DLG2: variants seen among roughly 807,000 people sequenced by gnomAD.
DLG2 encodes the protein disks large homolog 2.
DLG2 carries 45 observed loss-of-function variants against 132.5 expected under a neutral mutation model. The ratio of observed to expected loss-of-function variants is 0.34; its 90% confidence interval spans 0.27 to 0.44. The LOEUF (loss-of-function observed/expected upper bound fraction) is 0.44. DLG2 is among the 20% of genes least tolerant of loss of function. DLG2 has a pLI of 1.00. For missense variants in DLG2, 1,045 were observed against 1,196.9 expected, an observed-to-expected ratio of 0.87 and a Z score of 1.87; for synonymous variants, 424 against 419.6, an observed-to-expected ratio of 1.01 and a Z score of -0.13.
At chr11:85,256,772 T>C (rs2076690945) in intron 4 of DLG2, among the ~76,000 whole-genome samples, 1 of 152,316 alleles carries the variant, frequency 6.6e-6, no homozygotes, top group Admixed American at 6.5e-5. Context: ...ATGCTTTATA[T>C]ACTTTGGCCA....
At chr11:84,564,943 G>T (rs1253340763) in intron 6 of DLG2, among the ~76,000 whole-genome samples, 1 of 152,126 alleles carries the variant, frequency 6.6e-6, no homozygotes, top group African/African-American at 2.4e-5. Context: ...ATGACTGTGT[G>T]ATACATAAAA....
chr11:83,843,664 T>C (rs2058066067), intron 16 of DLG2, among the ~76,000 whole-genome samples: 1 of 152,032 alleles, frequency 6.6e-6, no homozygotes, highest in Non-Finnish European at 1.5e-5. Flanking sequence ...TAGTTCTGGC[T>C]CTCTTGGGAT....
chr11:83,582,576 C>T lies in DLG2; in HGVS notation c.1941-40718G>A, dbSNP rs142410919. Reference sequence around the variant, plus strand: ...AAATCATAAACTGGTTCATACTTAGCACTAGTCATTCCTGCATAGGCCATC... The same window carrying T: ...AAATCATAAACTGGTTCATACTTAGTACTAGTCATTCCTGCATAGGCCATC... On this transcript the variant is annotated intron_variant, in intron 19 of 27. Coordinates refer to ENST00000376104, the MANE Select transcript of DLG2 (RefSeq NM_001142699.3). Among the ~76,000 whole-genome samples, 913 of 152,296 alleles carry T rather than the reference C, an allele frequency of 6.0e-3. 6 individuals carry two copies. Among genetic ancestry groups the T allele is most frequent in the Middle Eastern group, 0.02 (6 of 294 alleles).
intron 3 of DLG2, among the ~76,000 whole-genome samples, chr11:85,597,936 T>C (rs1041891674): frequency 1.3e-5 from 2 of 151,722 alleles, no homozygotes; most frequent in Admixed American, 1.3e-4. Flanking sequence ...TTATATATTT[T>C]GTTAATTTAT....
intron 8 of DLG2, among the ~76,000 whole-genome samples, chr11:84,237,392 A>G (rs2097172216): frequency 6.6e-6 from 1 of 152,166 alleles, no homozygotes; most frequent in Admixed American, 6.5e-5. Flanking sequence ...ATAATGCGCT[A>G]TTGTTTATTC....
intron 6 of DLG2, among the ~76,000 whole-genome samples, chr11:84,943,642 C>T (rs1393379334): frequency 6.6e-6 from 1 of 152,026 alleles, no homozygotes; most frequent in Non-Finnish European, 1.5e-5. Context: ...TTAACTTCAT[C>T]CCCCCGATTT....
chr11:85,377,799 A>ATG (rs1250815968), intron 3 of DLG2, among the ~76,000 whole-genome samples: 5 of 93,298 alleles, frequency 5.4e-5, no homozygotes, highest in African/African-American at 1.8e-4. Context: ...ATATATATAT[A>ATG]TATATGTGTG....
rs2083826581 is a variant in DLG2 at position 85,357,707 on chromosome 11, TATATATATA to T, written c.41-72351_41-72343del. ...ATACGCCAGGCACTGTTCTGAATTATATATATATATATATATATATATATATATATATAT... is the reference window on the plus strand; with the variant it reads ...ATACGCCAGGCACTGTTCTGAATTATTATATATATATATATATATATATAT... On this transcript the variant is annotated intron_variant, in intron 3 of 27. Transcript: ENST00000376104. Among the ~76,000 whole-genome samples, 7 of 2,872 alleles carry T rather than the reference TATATATATA, an allele frequency of 2.4e-3. No homozygotes were observed. The African/African-American group carries it at 0.025, about 10-fold the overall frequency. 1.9% of individuals were successfully genotyped at this position (2,872 alleles called of 152,430 possible).
intron 18 of DLG2, among the ~76,000 whole-genome samples, chr11:83,703,190 T>A (rs2083270211): frequency 6.6e-6 from 1 of 152,172 alleles, no homozygotes; most frequent in Non-Finnish European, 1.5e-5. Flanking sequence ...TACAATGGAA[T>A]ATAAAGGGAA....
chr11:85,334,112 C>T (rs2081966178), intron 3 of DLG2, among the ~76,000 whole-genome samples: 1 of 151,928 alleles, frequency 6.6e-6, no homozygotes, highest in African/African-American at 2.4e-5. Context: ...TGTCAGAATT[C>T]ATTATTGGTC....
chr11:83,472,458 G>A (rs954111119), intron 23 of DLG2, among the ~76,000 whole-genome samples: 5 of 152,130 alleles, frequency 3.3e-5, no homozygotes, highest in Non-Finnish European at 5.9e-5. Context: ...TAATTTGAAT[G>A]TGTTCCTTCC....
At chr11:84,623,077 G>A (rs1336154045) in intron 6 of DLG2, among the ~76,000 whole-genome samples, 1 of 152,048 alleles carries the variant, frequency 6.6e-6, no homozygotes, top group Non-Finnish European at 1.5e-5. Flanking sequence ...CCTATCAGTT[G>A]TTTGAAGAGT....
chr11:84,842,947 CATAG>C, intron 6 of DLG2, among the ~76,000 whole-genome samples: 1 of 152,022 alleles, frequency 6.6e-6, no homozygotes, highest in East Asian at 1.9e-4. Flanking sequence ...CTCTGGAAAA[CATAG>C]ATATATTCCT....
chr11:84,984,545 C>T (rs1408526737), intron 6 of DLG2, among the ~76,000 whole-genome samples: 1 of 150,668 alleles, frequency 6.6e-6, no homozygotes, highest in African/African-American at 2.4e-5. Flanking sequence ...GCATAAATCT[C>T]ACAGGACCAA....
At chr11:85,157,881 C>G (rs201282004) in intron 4 of DLG2, among the ~76,000 whole-genome samples, 1 of 152,124 alleles carries the variant, frequency 6.6e-6, no homozygotes, top group Non-Finnish European at 1.5e-5. Flanking sequence ...AACAGCTCCC[C>G]CATTCCCAGT....
At chr11:83,836,426 A>T (rs992760301) in intron 16 of DLG2, among the ~76,000 whole-genome samples, 5 of 152,046 alleles carry the variant, frequency 3.3e-5, no homozygotes, top group African/African-American at 4.8e-5. Flanking sequence ...CCTATAGGCC[A>T]TCCACATTCC....
chr11:83,651,759 G>C (rs1051331498), intron 18 of DLG2: 5 of 459,832 alleles, frequency 1.1e-5, no homozygotes, highest in African/African-American at 6.0e-5. Flanking sequence ...TAAGTAAAGA[G>C]CATCTAATAG....
At chr11:83,522,200 A>T (rs533451773) in intron 21 of DLG2, among the ~76,000 whole-genome samples, 198 of 152,134 alleles carry the variant, frequency 1.3e-3, no homozygotes, top group Non-Finnish European at 1.9e-3. Flanking sequence ...TTTTCTTCGG[A>T]CCCTTTCTTA....
rs77272138 is a variant in DLG2 at position 84,420,377 on chromosome 11, C to T, written c.519+114193G>A. On this transcript the variant is annotated intron_variant, in intron 7 of 27. Transcript: ENST00000376104. ...ATGGAAAACAGTGGAATTTGAAATA[C>T]GATATTCCTAAGGATATTTACTGCA... Among the ~76,000 whole-genome samples the T allele has an allele frequency of 9.7e-3, 1,478 of 152,204 alleles. 18 individuals carry two copies. The highest frequency in any genetic ancestry group is 0.032 in the African/African-American group (1,322 of 41,516).
Sources: allele counts gnomAD v4.1 joint callset (sites outside exome capture counted in the v4.1 genomes callset), GRCh38; gene constraint gnomAD v4.1.1; transcripts MANE v1.5; gene names NCBI Gene and HGNC (gene_info 2026-07-23, HGNC 2026-07-21).